Variants in GRIA4 observed in about 807,000 individuals in gnomAD.
GRIA4 encodes the protein glutamate ionotropic receptor AMPA type subunit 4, also known as glutamate receptor 4.
In GRIA4, 34 loss-of-function variants were observed where a neutral mutation model predicts 104.0. That is an observed-to-expected ratio of 0.33 (90% CI 0.25 to 0.44). The LOEUF (loss-of-function observed/expected upper bound fraction) is 0.44. GRIA4 is among the 20% of genes least tolerant of loss of function. The pLI is 1.00. For missense variants in GRIA4, 750 were observed against 1,096.5 expected, an observed-to-expected ratio of 0.68 and a Z score of 4.46; for synonymous variants, 386 against 381.9, an observed-to-expected ratio of 1.01 and a Z score of -0.13.
intron 5 of GRIA4, among the ~76,000 whole-genome samples, chr11:105,874,366 G>T (rs1002747136): frequency 6.6e-6 from 1 of 152,094 alleles, no homozygotes; most frequent in Non-Finnish European, 1.5e-5. Context: ...CTCTGACTTT[G>T]TTCTATTTGC....
At chr11:105,757,302 C>T (rs371356511) in intron 4 of GRIA4, among the ~76,000 whole-genome samples, 204 of 152,222 alleles carry the variant, frequency 1.3e-3, no homozygotes, top group African/African-American at 4.6e-3. Context: ...CTATCCCCTA[C>T]CTCCCACTGT....
chr11:105,921,349 G>A (rs1186819512), intron 11 of GRIA4, among the ~76,000 whole-genome samples: 1 of 146,842 alleles, frequency 6.8e-6, no homozygotes, highest in Non-Finnish European at 1.5e-5. Context: ...GTGTGTGTGT[G>A]TTTTAGTCCA....
chr11:105,794,615 T>G (rs56150725), intron 4 of GRIA4, among the ~76,000 whole-genome samples: 24,406 of 142,756 alleles, frequency 0.17, 2,145 homozygotes, highest in East Asian at 0.22. Flanking sequence ...TATATATATA[T>G]AGAGAGAGAG....
intron 3 of GRIA4, among the ~76,000 whole-genome samples, chr11:105,618,506 T>G (rs1950657779): frequency 6.6e-6 from 1 of 151,820 alleles, no homozygotes; most frequent in Non-Finnish European, 1.5e-5. Flanking sequence ...GCAGGGGAAG[T>G]GTGGTAAAAA....
At chr11:105,815,338 T>A (rs965128275) in intron 4 of GRIA4, among the ~76,000 whole-genome samples, 1 of 152,102 alleles carries the variant, frequency 6.6e-6, no homozygotes, top group Non-Finnish European at 1.5e-5. Context: ...CCAAAACAAA[T>A]CCTTTACTTG....
chr11:105,960,589 T>C (rs1948715812), intron 14 of GRIA4, among the ~76,000 whole-genome samples: 2 of 152,206 alleles, frequency 1.3e-5, no homozygotes, highest in South Asian at 4.1e-4. Flanking sequence ...GTCCCAGTAC[T>C]GGCTGCCGCC....
intron 3 of GRIA4, among the ~76,000 whole-genome samples, chr11:105,681,240 G>A (rs537812755): frequency 4.9e-4 from 74 of 152,318 alleles, no homozygotes; most frequent in Non-Finnish European, 8.1e-4. Flanking sequence ...TGCACTTGTT[G>A]CTAAAATTAG....
intron 14 of GRIA4, among the ~76,000 whole-genome samples, chr11:105,966,701 G>GTT (rs11430319): frequency 4.8e-4 from 73 of 151,738 alleles, no homozygotes; most frequent in East Asian, 9.7e-4. Flanking sequence ...TAAAATAATA[G>GTT]TTTTTTTTAT....
chr11:105,981,549 T>C lies in GRIA4; in HGVS notation c.*1810T>C, dbSNP rs1263179924. On this transcript the variant is annotated 3_prime_UTR_variant, in exon 17 of 17. Transcript: ENST00000282499. ...GCAGTAAGAGCAATCTTAAACAGTA[T>C]AAATCACACACACACACACACACAC... The C allele has an allele frequency of 1.9e-5, 1 of 51,828 alleles. No homozygotes were observed. The highest frequency in any genetic ancestry group is 3.7e-5 in the Non-Finnish European group (1 of 26,708). The allele number at this position is 51,828 out of a possible 1,614,324, so 3.2% of individuals were successfully genotyped here.
rs1383359153 is a variant in GRIA4, at chr11:105,981,310, A to C, written c.*1571A>C. The C allele has an allele frequency of 2.0e-5, 3 of 152,604 alleles. No homozygotes were observed. The allele number at this position is 152,604 out of a possible 1,614,324, so 9.5% of individuals were successfully genotyped here. Reference sequence around the variant, plus strand: ...TTCAGAAGTCTGGCCTTGAAGGATGAGTTGAGTTTTAACAGGAGGAGAAGG... The same window carrying C: ...TTCAGAAGTCTGGCCTTGAAGGATGCGTTGAGTTTTAACAGGAGGAGAAGG... On this transcript the variant is annotated 3_prime_UTR_variant, in exon 17 of 17. Coordinates refer to ENST00000282499, the MANE Select transcript of GRIA4 (RefSeq NM_000829.4).
At chr11:105,760,827 A>G (rs1294150391) in intron 4 of GRIA4, among the ~76,000 whole-genome samples, 1 of 151,982 alleles carries the variant, frequency 6.6e-6, no homozygotes, top group Non-Finnish European at 1.5e-5. Context: ...GTTTTCTGAT[A>G]TTAATGGTTT....
intron 3 of GRIA4, among the ~76,000 whole-genome samples, chr11:105,646,819 A>C (rs185998739): frequency 6.6e-6 from 1 of 152,162 alleles, no homozygotes; most frequent in Non-Finnish European, 1.5e-5. Flanking sequence ...TTAAATGTAA[A>C]ACTGAAAACT....
chr11:105,956,570 A>G (rs545904561), intron 14 of GRIA4, among the ~76,000 whole-genome samples: 8 of 152,316 alleles, frequency 5.3e-5, no homozygotes, highest in Non-Finnish European at 8.8e-5. Flanking sequence ...ATAAACATAC[A>G]TGTGCATGTG....
At chr11:105,754,953 A>C (rs906252672) in intron 4 of GRIA4, among the ~76,000 whole-genome samples, 9 of 152,156 alleles carry the variant, frequency 5.9e-5, no homozygotes, top group Non-Finnish European at 1.2e-4. Flanking sequence ...TAGAGCAGAA[A>C]ATTTTCCTTT....
At chr11:105,629,494 G>T (rs1950977760) in intron 3 of GRIA4, among the ~76,000 whole-genome samples, 1 of 151,942 alleles carries the variant, frequency 6.6e-6, no homozygotes, top group Non-Finnish European at 1.5e-5. Flanking sequence ...TCTTTTGATT[G>T]CAATTTCAAA....
At chr11:105,757,905 C>A (rs1209016355) in intron 4 of GRIA4, among the ~76,000 whole-genome samples, 1 of 151,980 alleles carries the variant, frequency 6.6e-6, no homozygotes, top group African/African-American at 2.4e-5. Flanking sequence ...GATTTTTTCC[C>A]CATGGTGATC....
chr11:105,876,322 C>A (rs1945819040), intron 5 of GRIA4, among the ~76,000 whole-genome samples: 1 of 151,998 alleles, frequency 6.6e-6, no homozygotes, highest in Non-Finnish European at 1.5e-5. Context: ...CTAGGGAGTA[C>A]TTTACTTACA....
At chr11:105,923,260 C>T (rs544591411) in intron 11 of GRIA4, among the ~76,000 whole-genome samples, 5 of 152,152 alleles carry the variant, frequency 3.3e-5, no homozygotes, top group South Asian at 2.1e-4. Flanking sequence ...GTAGATCATG[C>T]GACAGTTTAG....
chr11:105,873,830 G>A (rs569924707), intron 5 of GRIA4, among the ~76,000 whole-genome samples: 1 of 152,168 alleles, frequency 6.6e-6, no homozygotes, highest in Admixed American at 6.5e-5. Context: ...TTTGTCAGAT[G>A]GATAGATTGC....
Sources: gnomAD v4.1 joint callset for allele counts (sites outside exome capture counted in the v4.1 genomes callset) on GRCh38, gnomAD v4.1.1 for gene constraint, MANE v1.5 for transcripts, NCBI Gene and HGNC (gene_info 2026-07-23, HGNC 2026-07-21) for gene names.